PCDH11Y: variants seen among roughly 807,000 people sequenced by gnomAD.
PCDH11Y encodes protocadherin 11 Y-linked, also known as protocadherin-11 Y-linked.
For synonymous variants in PCDH11Y, 9 were observed against 83.6 expected, an observed-to-expected ratio of 0.11 and a Z score of 4.87; for missense variants, 12 against 224.8, an observed-to-expected ratio of 0.05 and a Z score of 6.05.
chrY:5,562,045 A>G, intron 3 of PCDH11Y, among the ~76,000 whole-genome samples: 1 of 33,773 alleles, frequency 3.0e-5, no homozygotes. Context: ...ACAGATTTTC[A>G]TATTTTTTCA....
chrY:5,045,281 TCAG>T (rs2052632131), intron 3 of PCDH11Y, among the ~76,000 whole-genome samples: 1 of 33,199 alleles, frequency 3.0e-5, no homozygotes. Flanking sequence ...AGTGCTTCCT[TCAG>T]CAGCTCTTTT....
chrY:5,419,413 GA>G (rs2053255966), intron 2 of PCDH11Y, among the ~76,000 whole-genome samples: 1 of 32,958 alleles, frequency 3.0e-5, no homozygotes, highest in Admixed American at 2.8e-4. Context: ...CAGATATTCA[GA>G]AAAACTTCCT....
downstream of PCDH11Y, among the ~76,000 whole-genome samples, chrY:5,107,933 C>T (rs1206413877): frequency 3.2e-5 from 1 of 31,414 alleles, no homozygotes; most frequent in Non-Finnish European, 7.7e-5. Context: ...GTGGCGGGCG[C>T]CTGTAGTCCC....
At chrY:5,502,737 A>C in intron 3 of PCDH11Y, among the ~76,000 whole-genome samples, 1 of 33,374 alleles carries the variant, frequency 3.0e-5, no homozygotes, top group Non-Finnish European at 7.5e-5. Flanking sequence ...TTGTAGGTCT[A>C]TCATGCCCTG....
intron 2 of PCDH11Y, among the ~76,000 whole-genome samples, chrY:5,448,857 T>C (rs2053290084): frequency 7.8e-4 from 26 of 33,374 alleles, no homozygotes; most frequent in African/African-American, 3.0e-3. Context: ...AACTGATTCA[T>C]CTTGTAAACA....
At chrY:5,382,432 T>C in intron 2 of PCDH11Y, among the ~76,000 whole-genome samples, 1 of 33,401 alleles carries the variant, frequency 3.0e-5, no homozygotes, top group Non-Finnish European at 7.4e-5. Context: ...GATAGAAGGA[T>C]TAGTCAATAA....
At chrY:5,386,363 G>A in intron 2 of PCDH11Y, among the ~76,000 whole-genome samples, 1 of 32,487 alleles carries the variant, frequency 3.1e-5, no homozygotes, top group Non-Finnish European at 7.5e-5. Flanking sequence ...GAATTTCCCA[G>A]GTGTTCTTTG....
chrY:5,205,004 G>A, intron 2 of PCDH11Y, among the ~76,000 whole-genome samples: 4 of 32,154 alleles, frequency 1.2e-4, no homozygotes, highest in Non-Finnish European at 3.0e-4. Flanking sequence ...GGGTTTTTTC[G>A]TTTTGTTTTA....
At chrY:5,675,537 C>A in intron 4 of PCDH11Y, among the ~76,000 whole-genome samples, 3 of 33,492 alleles carry the variant, frequency 9.0e-5, no homozygotes, top group Non-Finnish European at 2.2e-4. Context: ...CAAGACAAGG[C>A]AAGTCACTTC....
At chrY:5,231,774 G>A (rs1449268699) in intron 2 of PCDH11Y, among the ~76,000 whole-genome samples, 39 of 33,349 alleles carry the variant, frequency 1.2e-3, no homozygotes, top group Non-Finnish European at 2.7e-3. Context: ...CAGAAGAACT[G>A]TTTGGTAGTC....
At chrY:5,062,479 C>T in intron 1 of PCDH11Y, among the ~76,000 whole-genome samples, 4 of 31,777 alleles carry the variant, frequency 1.3e-4, no homozygotes, top group Non-Finnish European at 3.1e-4. Context: ...CAAATGCTAA[C>T]GACTATGAGG....
At chrY:5,014,493 T>C (rs2052557866) in intron 1 of PCDH11Y, among the ~76,000 whole-genome samples, 1 of 32,675 alleles carries the variant, frequency 3.1e-5, no homozygotes, top group African/African-American at 1.2e-4. Flanking sequence ...TATACAGTAG[T>C]CAATAGTGGA....
At chrY:5,322,923 TTG>T (rs2053114639) in intron 2 of PCDH11Y, among the ~76,000 whole-genome samples, 1 of 33,154 alleles carries the variant, frequency 3.0e-5, no homozygotes, top group South Asian at 6.7e-4. Flanking sequence ...ATGAACATGA[TTG>T]TGATACCATA....
intron 4 of PCDH11Y, chrY:5,634,550 C>A: frequency 1.7e-5 from 1 of 58,945 alleles, no homozygotes; most frequent in African/African-American, 1.1e-4. Flanking sequence ...CCACAGTCTG[C>A]CCGTTGCTCA....
chrY:5,008,401 G>A (rs2563526), intron 1 of PCDH11Y, among the ~76,000 whole-genome samples: 1 of 32,720 alleles, frequency 3.1e-5, no homozygotes, highest in South Asian at 6.8e-4. Context: ...AATTCAAATC[G>A]TTGTTTGTTG....
intron 2 of PCDH11Y, among the ~76,000 whole-genome samples, chrY:5,403,573 C>T (rs2053235864): frequency 3.1e-5 from 1 of 32,608 alleles, no homozygotes; most frequent in Non-Finnish European, 7.5e-5. Flanking sequence ...TCTCAATAGA[C>T]GCAATATACA....
intron 4 of PCDH11Y, among the ~76,000 whole-genome samples, chrY:5,645,333 G>A (rs1602955861): frequency 2.9e-3 from 97 of 32,931 alleles, no homozygotes; most frequent in Non-Finnish European, 5.1e-3. Context: ...CTCGTAGGCT[G>A]ACTTTAGCAT....
chrY:5,428,469 C>T, intron 2 of PCDH11Y, among the ~76,000 whole-genome samples: 1 of 32,912 alleles, frequency 3.0e-5, no homozygotes, highest in Non-Finnish European at 7.5e-5. Context: ...GGAAGATCTT[C>T]AGAGGCAATA....
chrY:5,193,380 T>C (rs2124648646), intron 2 of PCDH11Y, among the ~76,000 whole-genome samples: 2 of 33,535 alleles, frequency 6.0e-5, no homozygotes, highest in Admixed American at 5.4e-4. Flanking sequence ...AACTTATCAA[T>C]TTGCAAATGT....
Sources: gnomAD v4.1 joint callset for allele counts (sites outside exome capture counted in the v4.1 genomes callset) on GRCh38, gnomAD v4.1.1 for gene constraint, MANE v1.5 for transcripts, NCBI Gene and HGNC (gene_info 2026-07-23, HGNC 2026-07-21) for gene names.